RAB27A: variants seen among roughly 807,000 people sequenced by gnomAD.
RAB27A encodes the protein ras-related protein Rab-27A.
A neutral mutation model predicts 20.8 loss-of-function variants in RAB27A; 17 were observed. That is an observed-to-expected ratio of 0.82 (90% confidence interval 0.56 to 1.23). RAB27A has a LOEUF of 1.23. Ranked by LOEUF, RAB27A falls within the 50% of genes most tolerant of loss-of-function variation. The pLI, the probability that RAB27A is intolerant of heterozygous loss-of-function variation, is 0.00. For missense variants in RAB27A, 277 were observed against 266.7 expected (o/e 1.04, Z -0.27); for synonymous variants, 85 against 92.8 (o/e 0.92, Z 0.48).
chr15:55,298,146 T>A (rs1032827093), intron 2 of RAB27A, among the ~76,000 whole-genome samples: 5 of 149,460 alleles, frequency 3.3e-5, no homozygotes, highest in African/African-American at 5.0e-5. Context: ...CAGAGCTTGC[T>A]GTCAGCCAAG....
chr15:55,257,676 A>G (rs117742227), intron 2 of RAB27A, among the ~76,000 whole-genome samples: 4,689 of 152,048 alleles, frequency 0.031, 88 homozygotes, highest in Non-Finnish European at 0.043. Flanking sequence ...ATCATCCACC[A>G]CCCATCTGAA....
intron 2 of RAB27A, among the ~76,000 whole-genome samples, chr15:55,310,318 C>G (rs1293461612): frequency 6.6e-6 from 1 of 152,096 alleles, no homozygotes; most frequent in African/African-American, 2.4e-5. Flanking sequence ...CCTCCTGGCC[C>G]TCAATGGTCA....
At chr15:55,300,483 C>T (rs915345299) in intron 2 of RAB27A, among the ~76,000 whole-genome samples, 1 of 152,016 alleles carries the variant, frequency 6.6e-6, no homozygotes, top group African/African-American at 2.4e-5. Context: ...AGTTTGAGAC[C>T]AGCCTGACCA....
chr15:55,285,659 T>TA (rs1488654510), intron 1 of RAB27A, among the ~76,000 whole-genome samples: 3 of 152,210 alleles, frequency 2.0e-5, no homozygotes, highest in Non-Finnish European at 4.4e-5. Context: ...AAGTGAAGGC[T>TA]ATAGAAGGGA....
intron 1 of RAB27A, among the ~76,000 whole-genome samples, chr15:55,284,013 G>C (rs964981837): frequency 6.6e-6 from 1 of 152,098 alleles, no homozygotes; most frequent in Non-Finnish European, 1.5e-5. Flanking sequence ...CAGTCTCGTG[G>C]CAACCAATTT....
At chr15:55,283,101 G>A (rs1898058450) in intron 1 of RAB27A, among the ~76,000 whole-genome samples, 2 of 152,084 alleles carry the variant, frequency 1.3e-5, no homozygotes, top group Non-Finnish European at 2.9e-5. Context: ...CTAATGCAGG[G>A]TTTCTTAGCG....
chr15:55,258,342 G>C (rs550114043), intron 2 of RAB27A, among the ~76,000 whole-genome samples: 2 of 152,290 alleles, frequency 1.3e-5, no homozygotes, highest in African/African-American at 2.4e-5. Context: ...ACCAGCAAGA[G>C]TTTCTCTAGA....
intron 2 of RAB27A, chr15:55,249,169 T>C (rs1048270669): frequency 6.6e-6 from 1 of 152,214 alleles, no homozygotes; most frequent in African/African-American, 2.4e-5. Flanking sequence ...GCCTGTCAGA[T>C]TACAGTTGGC....
chr15:55,251,707 T>C (rs933266549), intron 2 of RAB27A, among the ~76,000 whole-genome samples: 2 of 152,186 alleles, frequency 1.3e-5, no homozygotes, highest in African/African-American at 4.8e-5. Flanking sequence ...TATACTAAAT[T>C]ATAGCACAGA....
In RAB27A at chr15:55,224,163, TG is replaced by T. The variant is rs779363776; in HGVS notation, c.344-152del. ...CTTTCAAAGCATCAGTAATCTTATC[TG>T]TAAAGCTGAATAGTTGGGGCAGAAA... On this transcript the variant is annotated intron_variant, in intron 5 of 6. Transcript: ENST00000336787. 242 of 638,454 alleles carry T rather than the reference TG, an allele frequency of 3.8e-4. 1 individual carries two copies. Among genetic ancestry groups the T allele is most frequent in the Middle Eastern group, 9.0e-4 (2 of 2,224 alleles). The allele number at this position is 638,454 out of a possible 1,614,324, so 39.5% of individuals were successfully genotyped here. A position where few individuals can be genotyped will look rare whatever the true frequency, so the allele number is the denominator to read the frequency against.
At chr15:55,220,438 T>G (rs1025419637) in intron 6 of RAB27A, among the ~76,000 whole-genome samples, 3 of 151,828 alleles carry the variant, frequency 2.0e-5, no homozygotes, top group African/African-American at 4.8e-5. Context: ...CCTGGCTAAT[T>G]TTTTGTATTT....
Position 55,209,863 on chromosome 15 carries a change from CATATATACATATATGTGTGT to C in RAB27A, c.468-4178_468-4159del, listed in dbSNP as rs1566896196. ...GTGTACACATATATGTGTGTATATA[CATATATACATATATGTGTGT>C]GTATACATATATACACATATGTGTG... is the stretch of plus-strand genomic sequence containing the variant. On this transcript the variant is annotated intron_variant, in intron 6 of 6. Transcript: ENST00000336787. 6.9e-3 allele frequency among the ~76,000 whole-genome samples: 128 copies of C among 18,444 alleles called. 40 individuals are homozygous for C. Among genetic ancestry groups the C allele is most frequent in the African/African-American group, 0.014 (116 of 8,090 alleles). 12.1% of individuals were successfully genotyped at this position (18,444 alleles called of 152,430 possible). A position where few individuals can be genotyped will look rare whatever the true frequency, so the allele number is the denominator to read the frequency against.
intron 2 of RAB27A, among the ~76,000 whole-genome samples, chr15:55,309,169 G>A (rs1273848771): frequency 2.0e-5 from 3 of 152,134 alleles, no homozygotes; most frequent in Admixed American, 2.0e-4. Context: ...ACAATGGTCT[G>A]TCTATTTCAC....
At chr15:55,225,841 T>A (rs1656641533) in intron 5 of RAB27A, among the ~76,000 whole-genome samples, 1 of 152,054 alleles carries the variant, frequency 6.6e-6, no homozygotes, top group Non-Finnish European at 1.5e-5. Context: ...ATAATGGATG[T>A]AATAAGGACC....
At chr15:55,315,088 G>C (rs1050935297) in intron 1 of RAB27A, among the ~76,000 whole-genome samples, 3 of 152,142 alleles carry the variant, frequency 2.0e-5, no homozygotes, top group Non-Finnish European at 4.4e-5. Context: ...GAACAGAACA[G>C]AACTCAGAAA....
intron 6 of RAB27A, among the ~76,000 whole-genome samples, chr15:55,211,899 T>C (rs1022201082): frequency 2.6e-5 from 4 of 151,648 alleles, no homozygotes; most frequent in Non-Finnish European, 5.9e-5. Context: ...AGAAAAAAAC[T>C]GGGTAAATTC....
At position 55,205,188 on chromosome 15, in the gene RAB27A, C is replaced by A; in HGVS notation, c.*319G>T. 1 of 381,388 alleles carries A rather than the reference C, an allele frequency of 2.6e-6. No individual in the cohort carries two copies. Among genetic ancestry groups the A allele is most frequent in the Non-Finnish European group, 5.0e-6 (1 of 201,958 alleles). The allele number at this position is 381,388 out of a possible 1,614,324, so 23.6% of individuals were successfully genotyped here. ...TAAGGCAGGTGACAGTACCCTCATT[C>A]ATTCTACATAATAAATACACTCTTC... On this transcript the variant is annotated 3_prime_UTR_variant, in exon 7 of 7. Coordinates refer to ENST00000336787, the MANE Select transcript of RAB27A (RefSeq NM_183235.3).
intron 1 of RAB27A, among the ~76,000 whole-genome samples, chr15:55,315,024 T>A (rs1450156308): frequency 6.6e-6 from 1 of 152,154 alleles, no homozygotes; most frequent in Non-Finnish European, 1.5e-5. Flanking sequence ...ACAAAAAGGC[T>A]ATGGTAACCA....
intron 2 of RAB27A, among the ~76,000 whole-genome samples, chr15:55,309,035 A>G (rs2055009375): frequency 1.3e-5 from 2 of 152,178 alleles, no homozygotes; most frequent in South Asian, 4.1e-4. Context: ...GTCTTGCCCC[A>G]TCGGCAAGCT....
Sources: gnomAD v4.1 joint callset for allele counts (sites outside exome capture counted in the v4.1 genomes callset) on GRCh38, gnomAD v4.1.1 for gene constraint, MANE v1.5 for transcripts, NCBI Gene and HGNC (gene_info 2026-07-23, HGNC 2026-07-21) for gene names.